AVL9: variants seen among roughly 807,000 people sequenced by gnomAD.
The protein encoded by AVL9 is late secretory pathway protein AVL9 homolog.
A neutral mutation model predicts 79.2 loss-of-function variants in AVL9; 49 were observed. The observed-to-expected ratio is 0.62, with a 90% CI of 0.49 to 0.79. The LOEUF (loss-of-function observed/expected upper bound fraction) is 0.79, where lower values mean the gene tolerates loss of function less well. AVL9 is among the 30% of genes least tolerant of loss of function. The pLI, the probability that AVL9 is intolerant of heterozygous loss-of-function variation, is 0.00. For synonymous variants in AVL9, 299 were observed against 280.6 expected (o/e 1.07, Z -0.65); for missense variants, 682 against 776.8 (o/e 0.88, Z 1.45).
rs1562809115 is a variant in AVL9, at chr7:32,586,825, A to G, written c.*2918A>G. On this transcript the variant is annotated 3_prime_UTR_variant, in exon 16 of 16. Coordinates refer to ENST00000318709, the MANE Select transcript of AVL9 (RefSeq NM_015060.3). Reference sequence around the variant, plus strand: ...TGGTATACTTCAATTCCTACTAGACATTGTAATGACAATGGTGTAGGTAAG... The same window carrying G: ...TGGTATACTTCAATTCCTACTAGACGTTGTAATGACAATGGTGTAGGTAAG... 1 of 152,202 alleles carries G rather than the reference A, an allele frequency of 6.6e-6. No individual in the cohort carries two copies. The highest frequency in any genetic ancestry group is 1.5e-5 in the Non-Finnish European group (1 of 68,052). 9.4% of individuals were successfully genotyped at this position (152,202 alleles called of 1,614,324 possible). A position where few individuals can be genotyped will look rare whatever the true frequency, so the allele number is the denominator to read the frequency against.
intron 15 of AVL9, among the ~76,000 whole-genome samples, chr7:32,583,154 T>C (rs1246490801): frequency 6.6e-6 from 1 of 152,208 alleles, no homozygotes; most frequent in African/African-American, 2.4e-5. Flanking sequence ...CAAGTTGGTA[T>C]TGAAGATACA....
chr7:32,526,945 A>G (rs1268909433), intron 1 of AVL9, among the ~76,000 whole-genome samples: 1 of 152,098 alleles, frequency 6.6e-6, no homozygotes, highest in African/African-American at 2.4e-5. Context: ...GCTGCATCCC[A>G]TCCTCCCAGT....
Position 32,499,492 on chromosome 7 carries a change from G to T in AVL9, c.93+3690G>T, listed in dbSNP as rs193023674. Among the ~76,000 whole-genome samples the T allele has an allele frequency of 7.6e-4, 116 of 151,988 alleles. 1 individual carries two copies. The highest frequency in any genetic ancestry group is 2.5e-3 in the African/African-American group (102 of 41,458). On this transcript the variant is annotated intron_variant, in intron 1 of 15. Coordinates refer to ENST00000318709, the MANE Select transcript of AVL9 (RefSeq NM_015060.3). ...TTGGCCACTTTTCTGATAGTTTATT[G>T]TTTTGTATACATAGCTAGCAGTTTT...
At chr7:32,576,995 G>A (rs2128152865) in intron 13 of AVL9, among the ~76,000 whole-genome samples, 1 of 152,280 alleles carries the variant, frequency 6.6e-6, no homozygotes, top group Admixed American at 6.5e-5. Context: ...AGAGAGCATT[G>A]AAGGAGATCA....
intron 1 of AVL9, among the ~76,000 whole-genome samples, chr7:32,515,609 G>C (rs927369623): frequency 6.6e-6 from 1 of 152,196 alleles, no homozygotes; most frequent in African/African-American, 2.4e-5. Flanking sequence ...CCTGCTTCTA[G>C]AATGGTAGAG....
intron 1 of AVL9, among the ~76,000 whole-genome samples, chr7:32,512,745 C>A (rs998701649): frequency 6.6e-6 from 1 of 152,172 alleles, no homozygotes; most frequent in Non-Finnish European, 1.5e-5. Context: ...CAGAAATCTT[C>A]GAGCTTGCAG....
At position 32,572,710 on chromosome 7, in the gene AVL9, G is replaced by A. The variant is rs1056153869; in HGVS notation, c.1351-489G>A. Among the ~76,000 whole-genome samples the A allele has an allele frequency of 4.8e-5, 7 of 145,736 alleles. 1 individual carries two copies. The highest frequency in any genetic ancestry group is 1.8e-4 in the African/African-American group (7 of 38,780). On this transcript the variant is annotated intron_variant, in intron 11 of 15. Coordinates refer to ENST00000318709, the MANE Select transcript of AVL9 (RefSeq NM_015060.3). ...CCAGCTACTCAGGAGGCTGAGGCAG[G>A]AGAATGGCATGAACCCAGGAGGCAG...
chr7:32,575,912 GGCTACA>G, intron 12 of AVL9, 37 bp from the exon 13 acceptor site: 1 of 1,364,310 alleles, frequency 7.3e-7, no homozygotes, highest in Non-Finnish European at 1.0e-6. Flanking sequence ...ATCCCTGAAT[GGCTACA>G]GCCCAGCTCA....
At chr7:32,520,160 A>AG (rs1156518629) in intron 1 of AVL9, among the ~76,000 whole-genome samples, 1 of 152,238 alleles carries the variant, frequency 6.6e-6, no homozygotes, top group Non-Finnish European at 1.5e-5. Flanking sequence ...AAATTAAGCC[A>AG]GGGCAACAAA....
At chr7:32,581,891 G>A (rs1791527357) in intron 15 of AVL9, among the ~76,000 whole-genome samples, 1 of 152,094 alleles carries the variant, frequency 6.6e-6, no homozygotes, top group African/African-American at 2.4e-5. Flanking sequence ...CTGCCCAGGT[G>A]GCTTCAGTTT....
intron 1 of AVL9, among the ~76,000 whole-genome samples, chr7:32,517,358 C>G (rs1021494438): frequency 6.7e-6 from 1 of 149,728 alleles, no homozygotes; most frequent in East Asian, 2.0e-4. Context: ...CAGGCTAGAG[C>G]GCAGTGGCAT....
At chr7:32,580,652 CAAAT>C (rs2128156975) in intron 14 of AVL9, 146 bp from the exon 15 acceptor site, 4 of 608,190 alleles carry the variant, frequency 6.6e-6, no homozygotes, top group Non-Finnish European at 1.2e-5. Flanking sequence ...TAATTCATAA[CAAAT>C]AATAATTTAG....
At chr7:32,511,258 G>A (rs368698375) in intron 1 of AVL9, among the ~76,000 whole-genome samples, 19 of 143,990 alleles carry the variant, frequency 1.3e-4, no homozygotes, top group African/African-American at 4.9e-4. Flanking sequence ...CACAGTCCTG[G>A]CAATTCTGAA....
At chr7:32,498,366 A>G (rs1332803688) in intron 1 of AVL9, among the ~76,000 whole-genome samples, 1 of 149,544 alleles carries the variant, frequency 6.7e-6, no homozygotes, top group East Asian at 2.0e-4. Context: ...CTCCTGCCTC[A>G]GCCTCCCAAG....
rs544901086 is a variant in AVL9 at position 32,495,676 on chromosome 7, T to C, written c.-34T>C. On this transcript the variant is annotated 5_prime_UTR_variant, in exon 1 of 16. Coordinates refer to ENST00000318709, the MANE Select transcript of AVL9 (RefSeq NM_015060.3). ...TCGTCAGACCCGCTGCCCTTGGCGG[T>C]CGAAGTCGTCGTGCGGGCCCGCGGC... The C allele has an allele frequency of 8.0e-7, 1 of 1,245,252 alleles. No individual in the cohort carries two copies. The highest frequency in any genetic ancestry group is 1.6e-5 in the African/African-American group (1 of 64,394). The allele number at this position is 1,245,252 out of a possible 1,614,324, so 77.1% of individuals were successfully genotyped here. A position where few individuals can be genotyped will look rare whatever the true frequency, so the allele number is the denominator to read the frequency against.
intron 1 of AVL9, among the ~76,000 whole-genome samples, chr7:32,502,392 C>CAAAAAAAAAAAAA (rs70992721): frequency 1.4e-4 from 16 of 114,336 alleles, no homozygotes; most frequent in African/African-American, 5.3e-4. Flanking sequence ...AACCCTTTCT[C>CAAAAAAAAAAAAA]AAAAAAAAAA....
At chr7:32,524,464 G>A (rs749589050) in intron 1 of AVL9, among the ~76,000 whole-genome samples, 4 of 152,010 alleles carry the variant, frequency 2.6e-5, no homozygotes, top group African/African-American at 7.2e-5. Flanking sequence ...GCAGTGAACC[G>A]AGATCATGCT....
rs183299071 is a variant in AVL9, at chr7:32,571,601, T to A, written c.1350+1447T>A. On this transcript the variant is annotated intron_variant, in intron 11 of 15. Transcript: ENST00000318709. ...TTCTGACAGAAAGTATGAAAACATG[T>A]TTCTTGGGTGAATGGTTATAATATA... Among the ~76,000 whole-genome samples the A allele has an allele frequency of 5.3e-4, 81 of 151,788 alleles. 2 individuals carry two copies. In the East Asian group the frequency reaches 0.015, roughly 28 times the overall value.
At chr7:32,540,868 C>G (rs1583544268) in intron 1 of AVL9, among the ~76,000 whole-genome samples, 1 of 88,922 alleles carries the variant, frequency 1.1e-5, no homozygotes, top group African/African-American at 3.6e-5. Context: ...CATTGTTGTA[C>G]TACTTTTTTT....
Sources: gnomAD v4.1 joint callset for allele counts (sites outside exome capture counted in the v4.1 genomes callset) on GRCh38, gnomAD v4.1.1 for gene constraint, MANE v1.5 for transcripts, NCBI Gene and HGNC (gene_info 2026-07-23, HGNC 2026-07-21) for gene names.